The following PDZRN3 variants were observed in gnomAD, a reference collection of about 807,000 sequenced individuals.
PDZRN3 encodes E3 ubiquitin-protein ligase PDZRN3.
Under a neutral mutation model 85.7 loss-of-function variants are expected in PDZRN3, and 38 were observed. That is an observed-to-expected ratio of 0.44 (90% CI 0.34 to 0.58). PDZRN3 has a LOEUF of 0.58. Among genes scored for constraint, PDZRN3 ranks in the 20% least tolerant of loss-of-function variants. PDZRN3 has a pLI of 0.01. For missense variants in PDZRN3, 1,629 were observed against 1,506.4 expected (o/e 1.08, Z -1.35); for synonymous variants, 759 against 638.0 (o/e 1.19, Z -2.86).
intron 3 of PDZRN3, among the ~76,000 whole-genome samples, chr3:73,531,289 TC>T (rs1332315702): frequency 2.0e-5 from 3 of 150,558 alleles, no homozygotes; most frequent in Non-Finnish European, 4.4e-5. Context: ...GCTAACACTG[TC>T]CCAAAAGGTG....
intron 3 of PDZRN3, among the ~76,000 whole-genome samples, chr3:73,415,050 C>T (rs1702048435): frequency 6.6e-6 from 1 of 152,188 alleles, no homozygotes; most frequent in East Asian, 1.9e-4. Context: ...TTGCGAATGT[C>T]TCCATGCTCA....
intron 1 of PDZRN3, among the ~76,000 whole-genome samples, chr3:73,621,489 A>C (rs1223307902): frequency 6.6e-6 from 1 of 152,242 alleles, no homozygotes; most frequent in East Asian, 1.9e-4. Context: ...AACAGTACCC[A>C]GCAGGAGCAG....
intron 3 of PDZRN3, among the ~76,000 whole-genome samples, chr3:73,492,546 T>G (rs1009949931): frequency 6.6e-6 from 1 of 152,340 alleles, no homozygotes; most frequent in East Asian, 1.9e-4. Flanking sequence ...GATCTGGGGC[T>G]GCAGAGGTGT....
At chr3:73,477,170 T>G (rs952635988) in intron 3 of PDZRN3, among the ~76,000 whole-genome samples, 1 of 152,164 alleles carries the variant, frequency 6.6e-6, no homozygotes, top group Non-Finnish European at 1.5e-5. Context: ...GTATTATAGA[T>G]TAAATGACAA....
At chr3:73,496,696 A>G (rs572164066) in intron 3 of PDZRN3, among the ~76,000 whole-genome samples, 1 of 152,298 alleles carries the variant, frequency 6.6e-6, no homozygotes, top group East Asian at 1.9e-4. Context: ...ATAGTTAGTA[A>G]TAAAAAAGGT....
chr3:73,585,753 G>A (rs942657005), intron 3 of PDZRN3, among the ~76,000 whole-genome samples: 6 of 152,210 alleles, frequency 3.9e-5, no homozygotes, highest in Admixed American at 6.5e-5. Context: ...GCATCTTCCA[G>A]AACTTAGTTG....
At chr3:73,398,261 T>G (rs1022429237) in intron 5 of PDZRN3, among the ~76,000 whole-genome samples, 1 of 152,150 alleles carries the variant, frequency 6.6e-6, no homozygotes, top group African/African-American at 2.4e-5. Flanking sequence ...AGGGACAGTG[T>G]GGACAATATT....
At chr3:73,424,286 C>T (rs779184284) in intron 3 of PDZRN3, among the ~76,000 whole-genome samples, 1 of 144,874 alleles carries the variant, frequency 6.9e-6, no homozygotes, top group Non-Finnish European at 1.5e-5. Flanking sequence ...AATCCCAGCA[C>T]TTTGGGAGGC....
chr3:73,449,955 C>G (rs1702825655), intron 3 of PDZRN3, among the ~76,000 whole-genome samples: 1 of 152,170 alleles, frequency 6.6e-6, no homozygotes, highest in African/African-American at 2.4e-5. Context: ...TCCCAACCAC[C>G]AACAGCTGGG....
At chr3:73,399,586 C>CCAAA (rs1701709729) in intron 5 of PDZRN3, among the ~76,000 whole-genome samples, 1 of 152,178 alleles carries the variant, frequency 6.6e-6, no homozygotes, top group South Asian at 2.1e-4. Context: ...GGCTGCTTCA[C>CCAAA]CAAACAGCCC....
intron 3 of PDZRN3, among the ~76,000 whole-genome samples, chr3:73,538,116 C>T (rs1400687932): frequency 6.6e-6 from 1 of 152,166 alleles, no homozygotes; most frequent in Admixed American, 6.5e-5. Flanking sequence ...AAAGTCTGTT[C>T]ACTTTTCCCA....
intron 3 of PDZRN3, among the ~76,000 whole-genome samples, chr3:73,505,330 A>T (rs1704051774): frequency 6.6e-6 from 1 of 152,206 alleles, no homozygotes; most frequent in Admixed American, 6.5e-5. Context: ...CAAGGCACAG[A>T]ATTAAAAGTC....
chr3:73,472,612 G>A (rs1703367271), intron 3 of PDZRN3, among the ~76,000 whole-genome samples: 2 of 152,306 alleles, frequency 1.3e-5, no homozygotes, highest in Non-Finnish European at 2.9e-5. Flanking sequence ...ACAGCACTTT[G>A]TCTCTCTTAG....
At chr3:73,495,967 T>TC (rs1326233107) in intron 3 of PDZRN3, among the ~76,000 whole-genome samples, 2 of 149,774 alleles carry the variant, frequency 1.3e-5, no homozygotes, top group Non-Finnish European at 3.0e-5. Flanking sequence ...CCTATCCCCA[T>TC]CCCCCCTGCC....
chr3:73,467,368 C>T (rs778465568), intron 3 of PDZRN3, among the ~76,000 whole-genome samples: 25 of 152,188 alleles, frequency 1.6e-4, no homozygotes, highest in Non-Finnish European at 3.4e-4. Flanking sequence ...ATGACACACA[C>T]GCTCAAATAC....
At chr3:73,588,283 A>C (rs1575752594) in intron 3 of PDZRN3, among the ~76,000 whole-genome samples, 1 of 152,194 alleles carries the variant, frequency 6.6e-6, no homozygotes, top group Non-Finnish European at 1.5e-5. Context: ...TTATGGCTGC[A>C]TAGTATTCCA....
intron 3 of PDZRN3, among the ~76,000 whole-genome samples, chr3:73,567,754 T>C (rs1201742998): frequency 6.6e-6 from 1 of 152,162 alleles, no homozygotes; most frequent in Non-Finnish European, 1.5e-5. Context: ...ATGATCAGCT[T>C]AGTCTTTAAA....
At chr3:73,615,335 T>C (rs866467784) in intron 1 of PDZRN3, among the ~76,000 whole-genome samples, 16 of 152,238 alleles carry the variant, frequency 1.1e-4, no homozygotes, top group African/African-American at 3.1e-4. Flanking sequence ...GCTTTTCTGG[T>C]GAACAACCAC....
chr3:73,603,817 G>A (rs1702552478), intron 2 of PDZRN3, among the ~76,000 whole-genome samples: 1 of 150,894 alleles, frequency 6.6e-6, no homozygotes, highest in Non-Finnish European at 1.5e-5. Context: ...AACTAAGCTT[G>A]GAAAAATGTA....
Sources: gnomAD v4.1 joint callset for allele counts (sites outside exome capture counted in the v4.1 genomes callset) on GRCh38, gnomAD v4.1.1 for gene constraint, MANE v1.5 for transcripts, NCBI Gene and HGNC (gene_info 2026-07-23, HGNC 2026-07-21) for gene names.